TEAD1: variants seen among roughly 807,000 people sequenced by gnomAD.
TEAD1 encodes the protein TEA domain transcription factor 1.
Under a neutral mutation model 54.9 loss-of-function variants are expected in TEAD1, and 9 were observed. That is an observed-to-expected ratio of 0.16 (90% CI 0.10 to 0.29). The LOEUF is 0.29. Among genes scored for constraint, TEAD1 ranks in the 10% least tolerant of loss-of-function variants. The probability of loss-of-function intolerance (pLI) is 1.00; values close to 1 mark genes in which losing one functional copy is unlikely to be tolerated. For synonymous variants in TEAD1, 200 were observed against 187.8 expected (o/e 1.07, Z -0.53); for missense variants, 387 against 535.9 (o/e 0.72, Z 2.74).
At chr11:12,863,011 CA>C (rs1299111637) in intron 4 of TEAD1, among the ~76,000 whole-genome samples, 1 of 145,354 alleles carries the variant, frequency 6.9e-6, no homozygotes, top group Non-Finnish European at 1.5e-5. Context: ...TAACTAAAAA[CA>C]AAAAAAAGAA....
intron 2 of TEAD1, among the ~76,000 whole-genome samples, chr11:12,750,104 T>G (rs1167512837): frequency 6.6e-6 from 1 of 152,224 alleles, no homozygotes; most frequent in Non-Finnish European, 1.5e-5. Flanking sequence ...GAACCGGCAG[T>G]GTTGCGTGCT....
chr11:12,868,561 A>G (rs955597133), intron 5 of TEAD1, among the ~76,000 whole-genome samples: 27 of 152,244 alleles, frequency 1.8e-4, no homozygotes, highest in African/African-American at 6.3e-4. Flanking sequence ...AATAAATTCT[A>G]AAGGTCAGCT....
chr11:12,785,052 T>C (rs1420522449), intron 3 of TEAD1, among the ~76,000 whole-genome samples: 1 of 152,170 alleles, frequency 6.6e-6, no homozygotes, highest in African/African-American at 2.4e-5. Context: ...CTGCCCTCTC[T>C]CTGTGTCAGA....
chr11:12,784,534 T>C (rs189590651), intron 3 of TEAD1, among the ~76,000 whole-genome samples: 1 of 152,312 alleles, frequency 6.6e-6, no homozygotes, highest in East Asian at 1.9e-4. Context: ...TTGTCTTGAG[T>C]AAGCATCTTC....
intron 2 of TEAD1, among the ~76,000 whole-genome samples, chr11:12,757,292 C>A (rs985870305): frequency 6.6e-6 from 1 of 152,138 alleles, no homozygotes; most frequent in Non-Finnish European, 1.5e-5. Context: ...GTCTTTACAC[C>A]CTGGCTGCTC....
intron 5 of TEAD1, among the ~76,000 whole-genome samples, chr11:12,878,215 C>T (rs879470940): frequency 7.2e-5 from 11 of 152,162 alleles, no homozygotes; most frequent in Admixed American, 7.2e-4. Flanking sequence ...TATCTACACC[C>T]TGGGAACACC....
At chr11:12,925,086 C>G (rs1248509495) in intron 11 of TEAD1, 34 bp downstream of exon 11, 1 of 1,612,658 alleles carries the variant, frequency 6.2e-7, no homozygotes, top group Non-Finnish European at 8.5e-7. Context: ...AAACTTCATT[C>G]AAGGGCAGAC....
At position 12,674,512 on chromosome 11, in the gene TEAD1, C is replaced by A; in HGVS notation, c.-530C>A. 1 of 151,396 alleles carries A rather than the reference C, an allele frequency of 6.6e-6. No individual in the cohort carries two copies. The highest frequency in any genetic ancestry group is 1.9e-4 in the South Asian group (1 of 5,210). 9.4% of individuals were successfully genotyped at this position (151,396 alleles called of 1,614,324 possible). A position where few individuals can be genotyped will look rare whatever the true frequency, so the allele number is the denominator to read the frequency against. The stretch of plus-strand genomic sequence containing the variant: ...CCGCCGCCGCGGCCCCGCCGCCCGC[C>A]GCGGGCGCCCACCAAGCACTTTGCA... On this transcript the variant is annotated 5_prime_UTR_variant, in exon 1 of 13. Coordinates refer to ENST00000527636, the MANE Select transcript of TEAD1 (RefSeq NM_021961.6).
At chr11:12,778,592 G>A (rs1161676336) in intron 3 of TEAD1, among the ~76,000 whole-genome samples, 1 of 132,244 alleles carries the variant, frequency 7.6e-6, no homozygotes, top group Non-Finnish European at 1.6e-5. Context: ...CTGTGGGTCT[G>A]TACCCACTGA....
intron 2 of TEAD1, among the ~76,000 whole-genome samples, chr11:12,738,109 A>G (rs1944573551): frequency 6.6e-6 from 1 of 152,172 alleles, no homozygotes; most frequent in African/African-American, 2.4e-5. Flanking sequence ...CTCCCACAAC[A>G]TGTGGGAATT....
rs576568560 is a variant in TEAD1 at position 12,789,362 on chromosome 11, T to A, written c.202+24928T>A. The stretch of plus-strand genomic sequence containing the variant: ...ATTGGCATTGCTTTTATTATTTATT[T>A]TTATTATTTTTGCTATATTCATAAA... On this transcript the variant is annotated intron_variant, in intron 3 of 12. Transcript: ENST00000527636. Among the ~76,000 whole-genome samples the A allele has an allele frequency of 1.1e-4, 16 of 152,342 alleles. No individual in the cohort carries two copies. The South Asian group carries it at 3.3e-3, about 32-fold the overall frequency.
intron 3 of TEAD1, among the ~76,000 whole-genome samples, chr11:12,814,834 TGTGTGTCC>T (rs1946382419): frequency 7.8e-6 from 1 of 128,912 alleles, no homozygotes; most frequent in Non-Finnish European, 1.7e-5. Flanking sequence ...TGTGTGTGTG[TGTGTGTCC>T]CCGTCCGTCC....
intron 5 of TEAD1, among the ~76,000 whole-genome samples, chr11:12,868,352 A>G (rs946479464): frequency 6.6e-6 from 1 of 152,102 alleles, no homozygotes; most frequent in African/African-American, 2.4e-5. Flanking sequence ...GGAGGTGTCT[A>G]CCTCTTATGC....
intron 12 of TEAD1, among the ~76,000 whole-genome samples, chr11:12,931,491 A>C (rs1442681694): frequency 1.3e-5 from 2 of 152,340 alleles, no homozygotes; most frequent in East Asian, 3.9e-4. Context: ...TTAAGAATCC[A>C]TACAGCAGGA....
intron 2 of TEAD1, among the ~76,000 whole-genome samples, chr11:12,749,645 C>T (rs1382826344): frequency 1.3e-5 from 2 of 152,172 alleles, no homozygotes; most frequent in East Asian, 1.9e-4. Flanking sequence ...CAGACATGAG[C>T]GCATCAGACT....
intron 10 of TEAD1, among the ~76,000 whole-genome samples, chr11:12,912,801 C>G (rs1323143855): frequency 1.3e-5 from 2 of 152,128 alleles, no homozygotes; most frequent in Non-Finnish European, 2.9e-5. Context: ...GGCAGAATCT[C>G]TTGCATTGGG....
intron 2 of TEAD1, among the ~76,000 whole-genome samples, chr11:12,725,367 T>C (rs1944291520): frequency 6.6e-6 from 1 of 152,234 alleles, no homozygotes; most frequent in Non-Finnish European, 1.5e-5. Context: ...ATAAGAAATA[T>C]ATAAATTCTC....
chr11:12,812,434 A>C (rs1485751314), intron 3 of TEAD1, among the ~76,000 whole-genome samples: 2 of 152,178 alleles, frequency 1.3e-5, no homozygotes, highest in Non-Finnish European at 2.9e-5. Context: ...AGATGGAAAC[A>C]CTGAACATGT....
At chr11:12,931,559 C>T (rs540448476) in intron 12 of TEAD1, among the ~76,000 whole-genome samples, 2 of 152,194 alleles carry the variant, frequency 1.3e-5, no homozygotes, top group African/African-American at 4.8e-5. Context: ...CAGCAGTGTT[C>T]TGTTTTTTTG....
Sources: allele counts gnomAD v4.1 joint callset (sites outside exome capture counted in the v4.1 genomes callset), GRCh38; gene constraint gnomAD v4.1.1; transcripts MANE v1.5; gene names NCBI Gene and HGNC (gene_info 2026-07-23, HGNC 2026-07-21).